FKBP5: variants seen among roughly 807,000 people sequenced by gnomAD.
FKBP5 encodes peptidyl-prolyl cis-trans isomerase FKBP5.
In FKBP5, 23 loss-of-function variants were observed where a neutral mutation model predicts 50.5. The ratio of observed to expected loss-of-function variants is 0.46; its 90% CI spans 0.33 to 0.65. FKBP5 has a LOEUF of 0.65. Among genes scored for constraint, FKBP5 ranks in the 30% least tolerant of loss-of-function variants. The pLI is 0.02. For missense variants in FKBP5, 411 were observed against 553.1 expected (o/e 0.74, Z 2.58); for synonymous variants, 176 against 190.6 (o/e 0.92, Z 0.63).
In FKBP5 at chr6:35,620,187, T is replaced by C. The variant is rs1313377266; in HGVS notation, c.338A>G (p.Tyr113Cys). 6.2e-6 allele frequency: 10 copies of C among 1,614,082 alleles called. No individual in the cohort carries two copies. Among genetic ancestry groups the C allele is most frequent in the South Asian group, 1.1e-5 (1 of 91,088 alleles). ...TTTAGGGAGACTGCCAGCCGAGCCA[T>C]ATGCATATTCTGGTTTGCACAGTAA... ...CHLLCKPEYAYGSAGSLPKIP... is the reference protein window; with the variant it reads ...CHLLCKPEYACGSAGSLPKIP... The change falls in exon 4 of 11, where the codon TAT becomes TGT. Residue 113 changes from tyrosine (Y) to cysteine (C), a missense_variant. Transcript: ENST00000357266.
intron 1 of FKBP5, among the ~76,000 whole-genome samples, chr6:35,655,544 T>A (rs749132325): frequency 2.0e-5 from 3 of 152,192 alleles, no homozygotes; most frequent in Non-Finnish European, 2.9e-5. Flanking sequence ...ACACTATACA[T>A]GTAGAGAATG....
At chr6:35,621,618 C>CA (rs1200934935) in intron 3 of FKBP5, among the ~76,000 whole-genome samples, 1,600 of 53,782 alleles carry the variant, frequency 0.03, 19 homozygotes, top group East Asian at 0.065. Context: ...ACTCTGTCTC[C>CA]AAAAAAAAAA....
chr6:35,582,445 A>G (rs1214323114), intron 8 of FKBP5: 2 of 415,998 alleles, frequency 4.8e-6, no homozygotes, highest in East Asian at 3.2e-4. Context: ...TAGAGCCTTT[A>G]TAAGAAGAAA....
In FKBP5 at chr6:35,642,606, G is replaced by C. The variant is rs377121276; in HGVS notation, c.105+114C>G. On this transcript the variant is annotated intron_variant, in intron 2 of 10. Transcript: ENST00000357266. ...AAATGAGAATCTAGCTCTAGTGTTT[G>C]GCACTTAGTAACCATCAATAAACAT... The C allele has an allele frequency of 2.9e-4, 208 of 709,050 alleles. 1 individual carries two copies. The Middle Eastern group carries it at 4.1e-3, about 14-fold the overall frequency. The allele number at this position is 709,050 out of a possible 1,614,324, so 43.9% of individuals were successfully genotyped here. A position where few individuals can be genotyped will look rare whatever the true frequency, so the allele number is the denominator to read the frequency against.
chr6:35,720,905 AT>A (rs10710071), intron 1 of FKBP5, among the ~76,000 whole-genome samples: 21,697 of 152,182 alleles, frequency 0.14, 1,832 homozygotes, highest in Non-Finnish European at 0.19. Flanking sequence ...TATTGGAATG[AT>A]TACAATTACT....
chr6:35,577,612 C>A (rs1354373451), intron 9 of FKBP5, among the ~76,000 whole-genome samples: 1 of 152,172 alleles, frequency 6.6e-6, no homozygotes, highest in East Asian at 1.9e-4. Flanking sequence ...AGCATGTGGA[C>A]AAACAGCTCA....
chr6:35,695,245 C>T (rs1766063464), intron 2 of FKBP5, among the ~76,000 whole-genome samples: 1 of 152,194 alleles, frequency 6.6e-6, no homozygotes, highest in Non-Finnish European at 1.5e-5. Flanking sequence ...CTCACTGCAA[C>T]CTCCGCCTCC....
chr6:35,671,844 A>G (rs1032521590), intron 1 of FKBP5, among the ~76,000 whole-genome samples: 3 of 152,196 alleles, frequency 2.0e-5, no homozygotes, highest in Non-Finnish European at 4.4e-5. Flanking sequence ...TCAGCCCTCA[A>G]AAGAACCCTA....
chr6:35,722,190 GC>G (rs1766623383), intron 1 of FKBP5, among the ~76,000 whole-genome samples: 1 of 151,486 alleles, frequency 6.6e-6, no homozygotes, highest in African/African-American at 2.4e-5. Context: ...TTTTTTTATG[GC>G]CTGTCCCCTT....
At chr6:35,598,585 G>C (rs955456066) in intron 5 of FKBP5, among the ~76,000 whole-genome samples, 1 of 152,064 alleles carries the variant, frequency 6.6e-6, no homozygotes, top group Non-Finnish European at 1.5e-5. Flanking sequence ...TAATATTAAG[G>C]GTATTCTATT....
chr6:35,684,035 C>T (rs954457294), intron 1 of FKBP5, among the ~76,000 whole-genome samples: 1 of 152,086 alleles, frequency 6.6e-6, no homozygotes, highest in African/African-American at 2.4e-5. Flanking sequence ...GCCTGAGCAA[C>T]AGAGCAAGAC....
intron 5 of FKBP5, among the ~76,000 whole-genome samples, chr6:35,616,314 CAAAAAAAAAAAA>C (rs34779549): frequency 5.2e-5 from 3 of 57,454 alleles, no homozygotes; most frequent in African/African-American, 7.5e-5. Flanking sequence ...GACTCCATCT[CAAAAAAAAAAAA>C]AAAAAAAAAA....
chr6:35,609,106 T>C (rs897505611), intron 5 of FKBP5, among the ~76,000 whole-genome samples: 1 of 152,174 alleles, frequency 6.6e-6, no homozygotes, highest in African/African-American at 2.4e-5. Flanking sequence ...TCATTATTAA[T>C]ATTACTTCTA....
intron 1 of FKBP5, among the ~76,000 whole-genome samples, chr6:35,648,633 T>C (rs1764698686): frequency 6.6e-6 from 1 of 152,140 alleles, no homozygotes; most frequent in African/African-American, 2.4e-5. Context: ...ATATATCATT[T>C]AGTGTGCTCA....
chr6:35,617,060 AGGGCTGAGGCT>A (rs1408138995), intron 5 of FKBP5, among the ~76,000 whole-genome samples: 1 of 152,152 alleles, frequency 6.6e-6, no homozygotes. Context: ...GCCTGAGGCC[AGGGCTGAGGCT>A]GGAACCCTAT....
At chr6:35,649,118 G>T (rs1463678892) in intron 1 of FKBP5, among the ~76,000 whole-genome samples, 1 of 151,838 alleles carries the variant, frequency 6.6e-6, no homozygotes, top group Non-Finnish European at 1.5e-5. Flanking sequence ...GGGCGTGGTG[G>T]CGAGCGCCTG....
intron 5 of FKBP5, among the ~76,000 whole-genome samples, chr6:35,610,595 T>C (rs1005996668): frequency 8.2e-5 from 12 of 146,450 alleles, no homozygotes; most frequent in African/African-American, 3.0e-4. Context: ...AAAAAAAGTT[T>C]CAAAAAATAC....
intron 1 of FKBP5, among the ~76,000 whole-genome samples, chr6:35,679,170 A>G (rs546396917): frequency 6.6e-6 from 1 of 152,340 alleles, no homozygotes; most frequent in African/African-American, 2.4e-5. Context: ...AAGAATCTGG[A>G]GAGGAGGTAT....
At chr6:35,717,972 G>A (rs149407336) in intron 2 of FKBP5, among the ~76,000 whole-genome samples, 4 of 152,228 alleles carry the variant, frequency 2.6e-5, no homozygotes, top group South Asian at 2.1e-4. Context: ...AAGTCCCTTC[G>A]ATTCCTCCAA....
Sources: gnomAD v4.1 joint callset for allele counts (sites outside exome capture counted in the v4.1 genomes callset) on GRCh38, gnomAD v4.1.1 for gene constraint, MANE v1.5 for transcripts, NCBI Gene and HGNC (gene_info 2026-07-23, HGNC 2026-07-21) for gene names.